SLC22A3: variants seen among roughly 807,000 people sequenced by gnomAD.
SLC22A3 encodes EMT organic cation transporter 3.
SLC22A3 carries 51 observed loss-of-function variants against 59.1 expected under a neutral mutation model. The observed-to-expected ratio is 0.86, with a 90% CI of 0.69 to 1.09. The LOEUF (loss-of-function observed/expected upper bound fraction) is 1.09, where lower values mean the gene tolerates loss of function less well. Among genes scored for constraint, SLC22A3 ranks in the 50% least tolerant of loss-of-function variants. The probability of loss-of-function intolerance (pLI) is 0.00; values close to 1 mark genes in which losing one functional copy is unlikely to be tolerated. For missense variants in SLC22A3, 711 were observed against 726.3 expected (o/e 0.98, Z 0.24); for synonymous variants, 325 against 292.0 (o/e 1.11, Z -1.15).
At chr6:160,354,636 A>G (rs1294566098) in intron 1 of SLC22A3, among the ~76,000 whole-genome samples, 2 of 152,192 alleles carry the variant, frequency 1.3e-5, no homozygotes, top group African/African-American at 4.8e-5. Context: ...CTCCAACTAT[A>G]CAAAAATATT....
chr6:160,367,525 C>A (rs1232022036), intron 1 of SLC22A3, among the ~76,000 whole-genome samples: 3 of 152,172 alleles, frequency 2.0e-5, no homozygotes, highest in Non-Finnish European at 2.9e-5. Flanking sequence ...ATAGCACATA[C>A]CCCCATCAGG....
chr6:160,348,871 G>A, intron 1 of SLC22A3, 23 bp downstream of exon 1: 1 of 1,557,222 alleles, frequency 6.4e-7, no homozygotes, highest in South Asian at 1.2e-5. Flanking sequence ...CGGCCCTTTG[G>A]AAGCCGGCGG....
chr6:160,371,028 CTG>C (rs1458309114), intron 1 of SLC22A3, among the ~76,000 whole-genome samples: 2 of 152,156 alleles, frequency 1.3e-5, no homozygotes, highest in African/African-American at 2.4e-5. Context: ...TTATCGCATT[CTG>C]TGTTTCTCTG....
Position 160,442,803 on chromosome 6 carries a change from T to C in SLC22A3, c.1331T>C (p.Leu444Pro). The C allele has an allele frequency of 1.2e-6, 2 of 1,614,128 alleles. No individual in the cohort carries two copies. Among genetic ancestry groups the C allele is most frequent in the Middle Eastern group, 1.6e-4 (1 of 6,062 alleles). Residue 444 changes from leucine (L) to proline (P), a missense_variant, in exon 8 of 11, where the codon CTA becomes CCA. Coordinates refer to ENST00000275300, the MANE Select transcript of SLC22A3 (RefSeq NM_021977.4). Reference sequence around the variant, plus strand: ...ACCACAGTGGCTACATTGGGAAGACTAGGGATAACCATGGCCTTTGAAATT... The same window carrying C: ...ACCACAGTGGCTACATTGGGAAGACCAGGGATAACCATGGCCTTTGAAATT... ...LRTTVATLGRLGITMAFEIVY... is the reference protein window; with the variant it reads ...LRTTVATLGRPGITMAFEIVY...
At position 160,356,374 on chromosome 6, in the gene SLC22A3, C is replaced by T. The variant is rs577133848; in HGVS notation, c.429+7526C>T. ...CAGAATCCTAATGTAGGGGGTGTGACCTGGAACATGAAAGGGACAGGAAGG... is the reference window on the plus strand; with the variant it reads ...CAGAATCCTAATGTAGGGGGTGTGATCTGGAACATGAAAGGGACAGGAAGG... On this transcript the variant is annotated intron_variant, in intron 1 of 10. Coordinates refer to ENST00000275300, the MANE Select transcript of SLC22A3 (RefSeq NM_021977.4). 1.4e-4 allele frequency among the ~76,000 whole-genome samples: 22 copies of T among 152,320 alleles called. No individual in the cohort carries two copies. The South Asian group carries it at 2.9e-3, about 20-fold the overall frequency.
chr6:160,424,340 T>C (rs896008393), intron 5 of SLC22A3, among the ~76,000 whole-genome samples: 2 of 152,254 alleles, frequency 1.3e-5, no homozygotes, highest in Non-Finnish European at 2.9e-5. Flanking sequence ...AAAGGTGTTA[T>C]TAAATCATAG....
At chr6:160,408,458 C>A (rs534839223) in intron 3 of SLC22A3, among the ~76,000 whole-genome samples, 1 of 152,228 alleles carries the variant, frequency 6.6e-6, no homozygotes, top group Admixed American at 6.5e-5. Context: ...TTCCTAAAAC[C>A]AACACAGATA....
intron 7 of SLC22A3, among the ~76,000 whole-genome samples, chr6:160,438,589 CACACACAT>C (rs1434953397): frequency 4.4e-5 from 2 of 45,546 alleles, no homozygotes; most frequent in African/African-American, 1.9e-4. Context: ...AACACACACA[CACACACAT>C]ACACACACAC....
intron 1 of SLC22A3, among the ~76,000 whole-genome samples, chr6:160,375,984 A>T (rs370851648): frequency 6.6e-6 from 1 of 152,126 alleles, no homozygotes; most frequent in African/African-American, 2.4e-5. Context: ...ACCTCACAGT[A>T]TTGTTGGGAG....
At chr6:160,417,203 T>C (rs1787533123) in intron 5 of SLC22A3, among the ~76,000 whole-genome samples, 1 of 152,188 alleles carries the variant, frequency 6.6e-6, no homozygotes, top group Admixed American at 6.5e-5. Context: ...AGAATATCAA[T>C]TCAGGGCAGA....
chr6:160,415,786 T>C lies in SLC22A3; in HGVS notation c.975+4940T>C, dbSNP rs1787462806. 6.6e-6 allele frequency among the ~76,000 whole-genome samples: 1 copy of C among 152,102 alleles called. No individual in the cohort carries two copies. Among genetic ancestry groups the C allele is most frequent in the South Asian group, 2.1e-4 (1 of 4,828 alleles). On this transcript the variant is annotated intron_variant, in intron 5 of 10. Coordinates refer to ENST00000275300, the MANE Select transcript of SLC22A3 (RefSeq NM_021977.4). This position sits in a 1 kb window ranked among gnomAD's most constrained non-coding sequence, Gnocchi z 4.1. The stretch of plus-strand genomic sequence containing the variant: ...CCAACAAGTCAGCATTTTTCTCTTG[T>C]GAAAAGAACCACCTGCCAACCCCAG...
intron 1 of SLC22A3, among the ~76,000 whole-genome samples, chr6:160,393,953 A>G (rs948819720): frequency 9.9e-5 from 15 of 152,256 alleles, no homozygotes; most frequent in Admixed American, 9.2e-4. Context: ...CTGCAAAACG[A>G]AGCAATGTTA....
chr6:160,450,594 T>G (rs1788916076), intron 10 of SLC22A3, among the ~76,000 whole-genome samples: 1 of 152,138 alleles, frequency 6.6e-6, no homozygotes, highest in African/African-American at 2.4e-5. Flanking sequence ...CATAAGAAAT[T>G]ATAAAAGTAT....
Position 160,397,859 on chromosome 6 carries a change from ATTTAT to A in SLC22A3, c.430-117_430-113del, listed in dbSNP as rs1001357156. The A allele has an allele frequency of 1.0e-5, 8 of 790,550 alleles. No homozygotes were observed. In the African/African-American group the frequency reaches 1.2e-4, roughly 12 times the overall value. 49.0% of individuals were successfully genotyped at this position (790,550 alleles called of 1,614,324 possible). The stretch of plus-strand genomic sequence containing the variant: ...CATACGTATGTGATACATTTTCAAA[ATTTAT>A]TTAAAGAGTATATGAGCAAAAATCT... On this transcript the variant is annotated intron_variant, in intron 1 of 10. Coordinates refer to ENST00000275300, the MANE Select transcript of SLC22A3 (RefSeq NM_021977.4).
At chr6:160,369,848 G>C (rs369885998) in intron 1 of SLC22A3, among the ~76,000 whole-genome samples, 4 of 152,120 alleles carry the variant, frequency 2.6e-5, no homozygotes, top group Non-Finnish European at 5.9e-5. Context: ...CATGAATGCC[G>C]AACAGGCACA....
At chr6:160,378,014 T>A (rs1308720609) in intron 1 of SLC22A3, among the ~76,000 whole-genome samples, 2 of 152,244 alleles carry the variant, frequency 1.3e-5, no homozygotes. Context: ...ATGAGTAACC[T>A]GGTGTTTGTA....
rs372201140 is a variant in SLC22A3 at position 160,378,613 on chromosome 6, G to A, written c.430-19366G>A. Among the ~76,000 whole-genome samples, 39 of 152,186 alleles carry A rather than the reference G, an allele frequency of 2.6e-4. No individual in the cohort carries two copies. The South Asian group carries it at 7.5e-3, about 29-fold the overall frequency. On this transcript the variant is annotated intron_variant, in intron 1 of 10. Transcript: ENST00000275300. ...GGACAGTAATATATAGAGGCTCCTC[G>A]ACTTAGGATGGGATCACATCCAGAT...
chr6:160,355,205 T>G (rs1199273142), intron 1 of SLC22A3, among the ~76,000 whole-genome samples: 1 of 152,226 alleles, frequency 6.6e-6, no homozygotes, highest in Non-Finnish European at 1.5e-5. Flanking sequence ...AGCATCTTAG[T>G]GTGCTTCCTG....
chr6:160,373,463 C>T (rs565251372), intron 1 of SLC22A3, among the ~76,000 whole-genome samples: 6 of 152,280 alleles, frequency 3.9e-5, no homozygotes, highest in African/African-American at 1.4e-4. Context: ...GGAGGTGTCT[C>T]CCAGTCAGGA....
Sources: allele counts gnomAD v4.1 joint callset (sites outside exome capture counted in the v4.1 genomes callset), GRCh38; gene constraint gnomAD v4.1.1; non-coding constraint Gnocchi (gnomAD v3.1); transcripts MANE v1.5; gene names NCBI Gene and HGNC (gene_info 2026-07-23, HGNC 2026-07-21).